Variants in RARB observed in about 807,000 individuals in gnomAD.
RARB encodes the protein retinoic acid receptor beta, also known as HBV-activated protein.
Under a neutral mutation model 51.9 loss-of-function variants are expected in RARB, and 17 were observed. That is an observed-to-expected ratio of 0.33 (90% CI 0.22 to 0.49). The LOEUF (loss-of-function observed/expected upper bound fraction) is 0.49, where lower values mean the gene tolerates loss of function less well. Among genes scored for constraint, RARB ranks in the 20% least tolerant of loss-of-function variants. The pLI is 0.99. For synonymous variants in RARB, 215 were observed against 195.4 expected, an observed-to-expected ratio of 1.10 and a Z score of -0.84; for missense variants, 369 against 550.8, an observed-to-expected ratio of 0.67 and a Z score of 3.30.
chr3:24,902,261 G>A (rs1433914040), intron 2 of RARB, among the ~76,000 whole-genome samples: 4 of 152,040 alleles, frequency 2.6e-5, no homozygotes, highest in Admixed American at 1.3e-4. Context: ...TTATATTTCC[G>A]CTAGGTTAAG....
chr3:25,256,756 A>AT (rs1489812080), intron 5 of RARB, among the ~76,000 whole-genome samples: 1 of 152,142 alleles, frequency 6.6e-6, no homozygotes, highest in Non-Finnish European at 1.5e-5. Context: ...TTGGCTACAT[A>AT]TAGAGTTCTT....
intron 4 of RARB, among the ~76,000 whole-genome samples, chr3:25,143,590 C>A (rs948947820): frequency 6.6e-6 from 1 of 152,162 alleles, no homozygotes; most frequent in African/African-American, 2.4e-5. Flanking sequence ...TTCAGAGATG[C>A]CCACACGGTG....
At chr3:24,984,542 A>C (rs1296198912) in intron 2 of RARB, among the ~76,000 whole-genome samples, 2 of 152,218 alleles carry the variant, frequency 1.3e-5, no homozygotes, top group African/African-American at 4.8e-5. Flanking sequence ...TGTGGGATCT[A>C]AAAAACCGAA....
At chr3:25,214,810 A>G (rs1370090624) in intron 5 of RARB, among the ~76,000 whole-genome samples, 5 of 152,216 alleles carry the variant, frequency 3.3e-5, no homozygotes, top group Admixed American at 3.3e-4. Context: ...TTATGTATGC[A>G]AAAACAGAGG....
At chr3:25,047,743 C>T (rs1209235051) in intron 2 of RARB, among the ~76,000 whole-genome samples, 1 of 152,236 alleles carries the variant, frequency 6.6e-6, no homozygotes, top group Non-Finnish European at 1.5e-5. Context: ...TGAATTCCAA[C>T]ACCTAGTCTT....
chr3:25,343,545 G>GA (rs1237227084), intron 5 of RARB, among the ~76,000 whole-genome samples: 20 of 147,294 alleles, frequency 1.4e-4, no homozygotes, highest in East Asian at 1.2e-3. Context: ...CTTTTTTCCA[G>GA]AAAAAAAAAT....
At chr3:25,409,044 TAAC>T (rs1017813262) in intron 5 of RARB, among the ~76,000 whole-genome samples, 3 of 151,912 alleles carry the variant, frequency 2.0e-5, no homozygotes, top group Non-Finnish European at 2.9e-5. Flanking sequence ...AAAATAATAA[TAAC>T]AACAGCAACA....
At chr3:25,226,017 A>G (rs1702048610) in intron 5 of RARB, among the ~76,000 whole-genome samples, 1 of 152,170 alleles carries the variant, frequency 6.6e-6, no homozygotes, top group South Asian at 2.1e-4. Flanking sequence ...CAGTTTGAAT[A>G]TTCATAGATA....
intron 5 of RARB, among the ~76,000 whole-genome samples, chr3:25,318,483 A>C (rs1400337190): frequency 1.3e-5 from 2 of 152,212 alleles, no homozygotes; most frequent in Non-Finnish European, 2.9e-5. Flanking sequence ...CTGGTTTAGC[A>C]TAAAATACTG....
chr3:25,539,562 T>A (rs1189022659), intron 3 of RARB, among the ~76,000 whole-genome samples: 6 of 134,792 alleles, frequency 4.5e-5, no homozygotes, highest in African/African-American at 1.5e-4. Flanking sequence ...TTTTTTGGCC[T>A]ATTTTTTCCC....
At chr3:25,277,643 G>C (rs1703426622) in intron 5 of RARB, among the ~76,000 whole-genome samples, 1 of 152,146 alleles carries the variant, frequency 6.6e-6, no homozygotes, top group Non-Finnish European at 1.5e-5. Flanking sequence ...CAATTCTATT[G>C]TCTTAAAATG....
intron 4 of RARB, among the ~76,000 whole-genome samples, chr3:25,151,717 G>A (rs1049421010): frequency 7.2e-5 from 11 of 152,112 alleles, no homozygotes; most frequent in East Asian, 5.8e-4. Flanking sequence ...TGGACCAATC[G>A]GATGGGCGGA....
chr3:25,496,967 C>T (rs983150706), intron 2 of RARB, among the ~76,000 whole-genome samples: 2 of 152,218 alleles, frequency 1.3e-5, no homozygotes, highest in African/African-American at 2.4e-5. Flanking sequence ...TCACTGCAAC[C>T]TCTGCCTCCC....
chr3:25,174,278 T>C lies in RARB; in HGVS notation c.-120T>C, dbSNP rs907670899. 10 of 810,028 alleles carry C rather than the reference T, an allele frequency of 1.2e-5. No homozygotes were observed. In the East Asian group the frequency reaches 5.3e-4, roughly 43 times the overall value. 50.2% of individuals were successfully genotyped at this position (810,028 alleles called of 1,614,324 possible). ...GTCATCAGTTGAACCATCTTGACTT[T>C]GGCCCAGAACACAGCTCAGCCTCAA... On this transcript the variant is annotated 5_prime_UTR_variant, in exon 5 of 12. Coordinates refer to the RARB transcript ENST00000383772.
At chr3:25,073,115 A>T (rs576977852) in intron 3 of RARB, among the ~76,000 whole-genome samples, 1 of 152,218 alleles carries the variant, frequency 6.6e-6, no homozygotes, top group Admixed American at 6.5e-5. Flanking sequence ...CAAGAATTCC[A>T]AAGTCAAATA....
chr3:25,201,123 T>G (rs1006407007), intron 5 of RARB, among the ~76,000 whole-genome samples: 1 of 152,118 alleles, frequency 6.6e-6, no homozygotes, highest in African/African-American at 2.4e-5. Flanking sequence ...TCGTTTGTAG[T>G]TCTCCTTGAA....
intron 1 of RARB, among the ~76,000 whole-genome samples, chr3:25,445,876 T>C (rs1708908568): frequency 6.6e-6 from 1 of 152,170 alleles, no homozygotes; most frequent in African/African-American, 2.4e-5. Context: ...AAATATTAAG[T>C]GACATACCAG....
Position 25,480,302 on chromosome 3 carries a change from A to G in RARB, c.306+18961A>G, listed in dbSNP as rs531484670. 3.5e-4 allele frequency among the ~76,000 whole-genome samples: 54 copies of G among 152,332 alleles called. No homozygotes were observed. In the South Asian group the frequency reaches 9.9e-3, roughly 28 times the overall value. ...AGAGCACGTATCTAGAATTTGCTAT[A>G]TTCCAGACCCATGTTTTTAACTCAT... On this transcript the variant is annotated intron_variant, in intron 2 of 7. Coordinates refer to ENST00000330688, the MANE Select transcript of RARB (RefSeq NM_000965.5).
At chr3:25,477,033 C>T (rs1695986021) in intron 2 of RARB, among the ~76,000 whole-genome samples, 2 of 152,048 alleles carry the variant, frequency 1.3e-5, no homozygotes, top group Admixed American at 1.3e-4. Flanking sequence ...TGGGAGAAAA[C>T]ACAGAATTAG....
Sources: allele counts gnomAD v4.1 joint callset (sites outside exome capture counted in the v4.1 genomes callset), GRCh38; gene constraint gnomAD v4.1.1; transcripts MANE v1.5; gene names NCBI Gene and HGNC (gene_info 2026-07-23, HGNC 2026-07-21).